The following FMNL3 variants were observed in gnomAD, a reference collection of about 807,000 sequenced individuals.
The protein encoded by FMNL3 is formin-like protein 3.
In FMNL3, 57 loss-of-function variants were observed where a neutral mutation model predicts 119.6. That is an observed-to-expected ratio of 0.48 (90% CI 0.39 to 0.59). The LOEUF is 0.59. Ranked by LOEUF, FMNL3 falls within the 20% of genes least tolerant of loss-of-function variation. The probability of loss-of-function intolerance (pLI) is 0.00; values close to 1 mark genes in which losing one functional copy is unlikely to be tolerated. For synonymous variants in FMNL3, 491 were observed against 507.3 expected (o/e 0.97, Z 0.43); for missense variants, 1,053 against 1,323.5 (o/e 0.80, Z 3.17).
rs777656475 is a variant in FMNL3, at chr12:49,649,457, A to T, written c.2304+13T>A. The T allele has an allele frequency of 6.2e-7, 1 of 1,614,054 alleles. No individual in the cohort carries two copies. Among genetic ancestry groups the T allele is most frequent in the Non-Finnish European group, 8.5e-7 (1 of 1,180,032 alleles). On this transcript the variant is annotated intron_variant, in intron 19 of 25. Coordinates refer to ENST00000335154, the MANE Select transcript of FMNL3 (RefSeq NM_175736.5). The surrounding 1 kb of genome is among the most constrained non-coding windows in gnomAD (Gnocchi z 5.6). ...GAAAACCCCCAGCACCCCTGTTCAC[A>T]ACCTCTTCCCACCTCCAACATCTGC...
chr12:49,646,892 T>G lies in FMNL3; in HGVS notation c.2989A>C (p.Ile997Leu), dbSNP rs1943216054. The change falls in exon 25 of 26, where the codon ATC becomes CTC. Residue 997 changes from isoleucine to leucine, a missense_variant. Transcript: ENST00000335154. ...GGAGTGAAAAGGGCCCCACCTGTGA[T>G]GATGTCCTCGATGGTACCATCCTTC... ...EGKDGTIEDIITGLHCQPMVV... is the reference protein window; with the variant it reads ...EGKDGTIEDILTGLHCQPMVV... The G allele has an allele frequency of 6.2e-7, 1 of 1,613,830 alleles. No individual in the cohort carries two copies. Among genetic ancestry groups the G allele is most frequent in the Admixed American group, 1.7e-5 (1 of 59,982 alleles).
intron 1 of FMNL3, among the ~76,000 whole-genome samples, chr12:49,681,387 G>T (rs2138948120): frequency 6.6e-6 from 1 of 152,258 alleles, no homozygotes; most frequent in African/African-American, 2.4e-5. Context: ...ATTTTTAGTA[G>T]AGACAAGGTT....
At chr12:49,662,100 G>A (rs1309716226) in intron 4 of FMNL3, 51 bp from the exon 5 acceptor site, 3 of 1,557,766 alleles carry the variant, frequency 1.9e-6, no homozygotes, top group South Asian at 2.2e-5. Flanking sequence ...GTGGGTCAAG[G>A]ATGAGGGGGG....
At chr12:49,698,262 G>A (rs999250411) in intron 1 of FMNL3, among the ~76,000 whole-genome samples, 10 of 152,010 alleles carry the variant, frequency 6.6e-5, no homozygotes, top group South Asian at 2.1e-4. Flanking sequence ...CTCCAGTTTT[G>A]GCCATAACTC....
chr12:49,705,124 C>T (rs932202761), intron 1 of FMNL3, among the ~76,000 whole-genome samples: 14 of 152,274 alleles, frequency 9.2e-5, no homozygotes, highest in East Asian at 5.8e-4. Flanking sequence ...GGTGAAATCC[C>T]GTCTCCTGAG....
At chr12:49,656,757 T>C in intron 8 of FMNL3, 66 bp downstream of exon 8, 1 of 1,445,982 alleles carries the variant, frequency 6.9e-7, no homozygotes, top group Non-Finnish European at 9.7e-7. Flanking sequence ...TTGTCAGGAA[T>C]ACATGGAGTA....
chr12:49,693,980 C>T (rs942312749), intron 1 of FMNL3, among the ~76,000 whole-genome samples: 1 of 151,762 alleles, frequency 6.6e-6, no homozygotes, highest in African/African-American at 2.4e-5. Context: ...ATTCAGAGGC[C>T]CGGACCGGAG....
chr12:49,646,792 G>C, intron 25 of FMNL3, 94 bp downstream of exon 25: 1 of 1,604,698 alleles, frequency 6.2e-7, no homozygotes, highest in Non-Finnish European at 8.5e-7. Context: ...CAGGCCTCAT[G>C]GGGGGTGGGG....
At chr12:49,693,801 A>G (rs1383879316) in intron 1 of FMNL3, among the ~76,000 whole-genome samples, 1 of 150,958 alleles carries the variant, frequency 6.6e-6, no homozygotes, top group Admixed American at 6.6e-5. Context: ...GGCACGCACC[A>G]CCACACCTGG....
rs774865121 is a variant in FMNL3, at chr12:49,636,898, A to G, written c.*8917T>C. On this transcript the variant is annotated 3_prime_UTR_variant, in exon 26 of 26. Transcript: ENST00000335154. ...TCAGAGCTCAGCTCTGCCCTAGAGC[A>G]CAACCTCTTCACCCATTCCCTGCCC... The G allele has an allele frequency of 1.2e-6, 2 of 1,610,612 alleles. No homozygotes were observed. The highest frequency in any genetic ancestry group is 2.2e-5 in the South Asian group (2 of 90,972).
chr12:49,639,908 A>G lies in FMNL3; in HGVS notation c.*5907T>C, dbSNP rs1002646272. 13 of 152,222 alleles carry G rather than the reference A, an allele frequency of 8.5e-5. No homozygotes were observed. Among genetic ancestry groups the G allele is most frequent in the Admixed American group, 2.0e-4 (3 of 15,288 alleles). The allele number at this position is 152,222 out of a possible 1,614,324, so 9.4% of individuals were successfully genotyped here. A position where few individuals can be genotyped will look rare whatever the true frequency, so the allele number is the denominator to read the frequency against. ...ATTTTAAAACAGAATAATCGTATAA[A>G]GTAGAAATGCCTTATCCTGGGATAG... On this transcript the variant is annotated 3_prime_UTR_variant, in exon 26 of 26. Transcript: ENST00000335154.
chr12:49,698,285 G>T (rs533846600), intron 1 of FMNL3, among the ~76,000 whole-genome samples: 4 of 152,140 alleles, frequency 2.6e-5, no homozygotes, highest in Admixed American at 6.5e-5. Flanking sequence ...GGTGAGGGGG[G>T]ATAAGGTGGT....
In FMNL3 at chr12:49,652,225, C is replaced by T. The variant is rs757993295; in HGVS notation, c.1324-13G>A. ...TCTCATATGTCTCCTGGCAGGCAGA[C>T]AGCACCATTAAGGGAAAAGTGGGCT... On this transcript the variant is annotated splice_polypyrimidine_tract_variant and intron_variant, in intron 13 of 25. Transcript: ENST00000335154. 1 of 1,609,210 alleles carries T rather than the reference C, an allele frequency of 6.2e-7. No homozygotes were observed. The highest frequency in any genetic ancestry group is 2.2e-5 in the East Asian group (1 of 44,806).
chr12:49,646,554 C>A, intron 25 of FMNL3: 2 of 1,083,428 alleles, frequency 1.8e-6, no homozygotes, highest in South Asian at 3.2e-5. Context: ...GATTGCAAGT[C>A]ATGCAGGAAA....
rs1342071011 is a variant in FMNL3, at chr12:49,641,520, CAATA to C, written c.*4291_*4294del. On this transcript the variant is annotated 3_prime_UTR_variant, in exon 26 of 26. Transcript: ENST00000335154. Reference sequence around the variant, plus strand: ...TGGTACCTGGTACATAGTAAGCACTCAATAAATAGACCCAAAGGGTAGGGGCCAG... The same window carrying C: ...TGGTACCTGGTACATAGTAAGCACTCAATAGACCCAAAGGGTAGGGGCCAG... 2.2e-5 allele frequency: 5 copies of C among 228,482 alleles called. No homozygotes were observed. Among genetic ancestry groups the C allele is most frequent in the African/African-American group, 1.1e-4 (5 of 44,148 alleles). The allele number at this position is 228,482 out of a possible 1,614,324, so 14.2% of individuals were successfully genotyped here.
Position 49,645,727 on chromosome 12 carries a change from C to A in FMNL3, c.*88G>T. The A allele has an allele frequency of 8.8e-7, 1 of 1,132,232 alleles. No homozygotes were observed. The highest frequency in any genetic ancestry group is 1.3e-6 in the Non-Finnish European group (1 of 796,892). 70.1% of individuals were successfully genotyped at this position (1,132,232 alleles called of 1,614,324 possible). A position where few individuals can be genotyped will look rare whatever the true frequency, so the allele number is the denominator to read the frequency against. ...GACATGGTTGAGAGAGCAACACAGC[C>A]CTCTCCTGAGCCCTTGGCCAATTCC... On this transcript the variant is annotated 3_prime_UTR_variant, in exon 26 of 26. Coordinates refer to ENST00000335154, the MANE Select transcript of FMNL3 (RefSeq NM_175736.5).
Position 49,649,743 on chromosome 12 carries a change from G to A in FMNL3, c.2183C>T (p.Ala728Val), listed in dbSNP as rs1456142746. The change falls in exon 18 of 26, where the codon GCT becomes GTT. Residue 728 changes from alanine to valine, a missense_variant. Ala to Val is a moderately conservative substitution (Grantham distance 64). Around this residue, in one of 4 missense-constraint regions of FMNL3, gnomAD observed 20 missense variants for 48.7 expected, o/e 0.41. Transcript: ENST00000335154. This position sits in a 1 kb window ranked among gnomAD's most constrained non-coding sequence, Gnocchi z 5.6. The stretch of plus-strand genomic sequence containing the variant: ...GAAGTTCCCCAGGAAGGCCATGCCA[G>A]CCATTCGCTGGGTCAACCGTTCCAC... ...SKVERLTQRM[A>V]GMAFLGNFQD... is the part of the protein sequence containing the mutation. The A allele has an allele frequency of 4.3e-6, 7 of 1,614,224 alleles. No homozygotes were observed. Among genetic ancestry groups the A allele is most frequent in the Non-Finnish European group, 5.9e-6 (7 of 1,180,042 alleles).
At position 49,649,178 on chromosome 12, in the gene FMNL3, C is replaced by T; in HGVS notation, c.2386-20G>A. ...CAGCAGCTAGGAGAGGGGGTGAGGG[C>T]GGTGCACAAGAGCTAAGCACTCTGG... On this transcript the variant is annotated intron_variant, in intron 20 of 25. Transcript: ENST00000335154. This position sits in a 1 kb window ranked among gnomAD's most constrained non-coding sequence, Gnocchi z 5.6. The T allele has an allele frequency of 2.5e-6, 4 of 1,611,496 alleles. No individual in the cohort carries two copies. The highest frequency in any genetic ancestry group is 2.2e-5 in the East Asian group (1 of 44,884).
At chr12:49,652,959 A>C (rs1307696225) in intron 13 of FMNL3, among the ~76,000 whole-genome samples, 1 of 152,012 alleles carries the variant, frequency 6.6e-6, no homozygotes, top group Admixed American at 6.6e-5. Flanking sequence ...TGGTAGGAGG[A>C]GGCCTGGGTT....
Sources: gnomAD v4.1 joint callset for allele counts (sites outside exome capture counted in the v4.1 genomes callset) on GRCh38, gnomAD v4.1.1 for gene constraint, gnomAD v4.1.1 regional missense constraint, Gnocchi (gnomAD v3.1) non-coding constraint, MANE v1.5 for transcripts, NCBI Gene and HGNC (gene_info 2026-07-23, HGNC 2026-07-21) for gene names.